The following MPDZ variants were observed in gnomAD, a reference collection of about 807,000 sequenced individuals.
The protein encoded by MPDZ is multiple PDZ domain protein.
A neutral mutation model predicts 239.1 loss-of-function variants in MPDZ; 234 were observed. That is an observed-to-expected ratio of 0.98 (90% CI 0.88 to 1.09). The LOEUF (loss-of-function observed/expected upper bound fraction) is 1.09, where lower values mean the gene tolerates loss of function less well. Among genes scored for constraint, MPDZ ranks in the 50% least tolerant of loss-of-function variants. The pLI, the probability that MPDZ is intolerant of heterozygous loss-of-function variation, is 0.00. For synonymous variants in MPDZ, 1,048 were observed against 881.3 expected (o/e 1.19, Z -3.35); for missense variants, 3,175 against 2,510.0 (o/e 1.26, Z -5.66).
At chr9:13,255,973 AATG>A (rs1969331156) in intron 1 of MPDZ, among the ~76,000 whole-genome samples, 1 of 152,158 alleles carries the variant, frequency 6.6e-6, no homozygotes, top group African/African-American at 2.4e-5. Flanking sequence ...CTTTCAATAT[AATG>A]CTGTTTTATC....
chr9:13,242,867 C>T (rs1031485533), intron 3 of MPDZ, among the ~76,000 whole-genome samples: 3 of 152,194 alleles, frequency 2.0e-5, no homozygotes, highest in African/African-American at 4.8e-5. Flanking sequence ...AACAGCATCA[C>T]TGAACTCTAC....
At chr9:13,183,002 A>G (rs1953567664) in intron 19 of MPDZ, among the ~76,000 whole-genome samples, 2 of 152,176 alleles carry the variant, frequency 1.3e-5, no homozygotes, top group South Asian at 4.1e-4. Context: ...TAGCTAGTAA[A>G]TGTTAAATTA....
intron 35 of MPDZ, 139 bp from the exon 36 acceptor site, chr9:13,123,437 C>A: frequency 1.7e-6 from 1 of 597,660 alleles, no homozygotes; most frequent in Non-Finnish European, 2.9e-6. Context: ...TTTGTATTTA[C>A]CTCAATCTTT....
intron 26 of MPDZ, among the ~76,000 whole-genome samples, chr9:13,145,906 A>C (rs1208611866): frequency 6.6e-6 from 1 of 152,050 alleles, no homozygotes; most frequent in African/African-American, 2.4e-5. Context: ...ATGATGTAAA[A>C]ATTGTAAATT....
chr9:13,201,793 T>C (rs920513457), intron 12 of MPDZ, among the ~76,000 whole-genome samples: 8 of 152,210 alleles, frequency 5.3e-5, no homozygotes, highest in East Asian at 1.9e-4. Flanking sequence ...AAATAAAAGA[T>C]ACAAAGATAA....
chr9:13,226,585 T>C (rs1459589071), intron 3 of MPDZ, among the ~76,000 whole-genome samples: 1 of 152,048 alleles, frequency 6.6e-6, no homozygotes. Flanking sequence ...GTGTGCCTAA[T>C]CTCACCACAG....
At chr9:13,126,832 G>T in intron 32 of MPDZ, 60 bp from the exon 33 acceptor site, 2 of 1,372,688 alleles carry the variant, frequency 1.5e-6, no homozygotes, top group East Asian at 4.6e-5. Context: ...TTATCCAAAT[G>T]GATACCAAGG....
intron 1 of MPDZ, among the ~76,000 whole-genome samples, chr9:13,255,744 T>A (rs1032702404): frequency 6.6e-6 from 1 of 152,198 alleles, no homozygotes. Flanking sequence ...TATAAACCGA[T>A]GTGCTGTTAT....
chr9:13,224,565 C>G lies in MPDZ; in HGVS notation c.202G>C (p.Ala68Pro), dbSNP rs764604478. 1 of 1,610,046 alleles carries G rather than the reference C, an allele frequency of 6.2e-7. No homozygotes were observed. The highest frequency in any genetic ancestry group is 1.1e-5 in the South Asian group (1 of 90,564). The change falls in exon 4 of 47, where the codon GCA becomes CCA. Residue 68 changes from alanine to proline, a missense_variant. Ala to Pro is a conservative substitution (Grantham distance 27). Transcript: ENST00000319217. ...TGGGCATATTCAATATTTGAAGTTG[C>G]TGAAGTTGCAATATTTACCTAAGAG... is the stretch of plus-strand genomic sequence containing the variant. ...LKDQVNIATS[A>P]TSNIEYAHVP...
intron 42 of MPDZ, 90 bp from the exon 43 acceptor site, chr9:13,112,236 C>G (rs1008866687): frequency 1.2e-5 from 15 of 1,298,210 alleles, no homozygotes; most frequent in Non-Finnish European, 1.5e-5. Flanking sequence ...ATAGTCAACT[C>G]TGATTTTCTA....
chr9:13,183,823 G>T (rs1045699231), intron 18 of MPDZ, among the ~76,000 whole-genome samples: 3 of 151,926 alleles, frequency 2.0e-5, no homozygotes, highest in African/African-American at 7.2e-5. Context: ...AAGGGCTAAA[G>T]GCAACAATTA....
intron 40 of MPDZ, among the ~76,000 whole-genome samples, chr9:13,115,047 C>T (rs201167082): frequency 1.3e-5 from 2 of 152,110 alleles, no homozygotes; most frequent in Non-Finnish European, 2.9e-5. Context: ...CTTAGAATGA[C>T]TTACAAACTA....
intron 3 of MPDZ, among the ~76,000 whole-genome samples, chr9:13,232,628 GA>G (rs373979742): frequency 2.8e-5 from 4 of 141,032 alleles, no homozygotes; most frequent in African/African-American, 5.2e-5. Context: ...GGGCAAAAAA[GA>G]AAAAAAAAGC....
intron 1 of MPDZ, among the ~76,000 whole-genome samples, chr9:13,265,362 G>A (rs577630252): frequency 3.9e-5 from 6 of 152,274 alleles, no homozygotes; most frequent in African/African-American, 1.4e-4. Context: ...CTGAGGTCGG[G>A]AGTTCAAGAA....
chr9:13,142,018 T>C lies in MPDZ; in HGVS notation c.3840+1448A>G, dbSNP rs150969306. ...CATTTGGTCCAATCAAGTTTCATTA[T>C]CATAGTAAAGAGGAGCAAGGTATGT... On this transcript the variant is annotated intron_variant, in intron 27 of 46. Coordinates refer to ENST00000319217, the MANE Select transcript of MPDZ (RefSeq NM_001378778.1). Among the ~76,000 whole-genome samples the C allele has an allele frequency of 6.2e-3, 949 of 152,270 alleles. 10 individuals carry two copies. The highest frequency in any genetic ancestry group is 0.021 in the African/African-American group (864 of 41,564).
chr9:13,172,195 A>T (rs1245992986), intron 21 of MPDZ, among the ~76,000 whole-genome samples: 1 of 152,148 alleles, frequency 6.6e-6, no homozygotes, highest in Non-Finnish European at 1.5e-5. Flanking sequence ...AAAATGCCAG[A>T]GGAACCTCAC....
intron 4 of MPDZ, 42 bp from the exon 5 acceptor site, chr9:13,223,752 C>T: frequency 6.5e-7 from 1 of 1,536,844 alleles, no homozygotes; most frequent in Non-Finnish European, 8.8e-7. Flanking sequence ...AAAAGCCAGG[C>T]CATGCATGGT....
intron 1 of MPDZ, among the ~76,000 whole-genome samples, chr9:13,266,099 G>A (rs1971731027): frequency 6.6e-6 from 1 of 152,104 alleles, no homozygotes; most frequent in African/African-American, 2.4e-5. Flanking sequence ...AACTCCTTAG[G>A]TATCACTGAG....
intron 1 of MPDZ, among the ~76,000 whole-genome samples, chr9:13,273,975 G>A (rs1050245412): frequency 3.9e-5 from 6 of 152,116 alleles, no homozygotes; most frequent in African/African-American, 1.4e-4. Flanking sequence ...TGCTCATTTA[G>A]AAAGGCAGCA....
Sources: allele counts gnomAD v4.1 joint callset (sites outside exome capture counted in the v4.1 genomes callset), GRCh38; gene constraint gnomAD v4.1.1; transcripts MANE v1.5; gene names NCBI Gene and HGNC (gene_info 2026-07-23, HGNC 2026-07-21).